Variants in ZBTB34 observed in about 807,000 individuals in gnomAD.
ZBTB34 encodes the protein zinc finger and BTB domain-containing protein 34.
In ZBTB34, 1 loss-of-function variant was observed where a neutral mutation model predicts 33.4. The observed-to-expected ratio is 0.03, with a 90% CI of 0.01 to 0.14. The LOEUF is 0.14. Ranked by LOEUF, ZBTB34 falls within the 10% of genes least tolerant of loss-of-function variation. The probability of loss-of-function intolerance (pLI) is 1.00; values close to 1 mark genes in which losing one functional copy is unlikely to be tolerated. For missense variants in ZBTB34, 406 were observed against 657.2 expected, an observed-to-expected ratio of 0.62 and a Z score of 4.18; for synonymous variants, 283 against 253.5, an observed-to-expected ratio of 1.12 and a Z score of -1.11.
intron 1 of ZBTB34, among the ~76,000 whole-genome samples, chr9:126,878,087 G>C (rs2033385911): frequency 6.6e-6 from 1 of 151,932 alleles, no homozygotes; most frequent in Admixed American, 6.6e-5. Context: ...TGCAATCCTA[G>C]CACTTTGGGA....
Position 126,879,802 on chromosome 9 carries a change from G to C in ZBTB34, c.403G>C (p.Val135Leu). 2 of 1,613,314 alleles carry C rather than the reference G, an allele frequency of 1.2e-6. No homozygotes were observed. Among genetic ancestry groups the C allele is most frequent in the South Asian group, 1.1e-5 (1 of 91,086 alleles). Reference sequence around the variant, plus strand: ...AGAGAGCATCCATTCCAAAATCAGCGTTGGAGATGTTGACTCTGTTACCGT... The same window carrying C: ...AGAGAGCATCCATTCCAAAATCAGCCTTGGAGATGTTGACTCTGTTACCGT... Residue 135 changes from valine (V) to leucine (L), a missense_variant, in exon 2 of 2, where the codon GTT becomes CTT. By Grantham distance (32) the Val-to-Leu change is conservative (BLOSUM62 1). This residue lies in a region of ZBTB34 where 137 missense variants were observed against 173.0 expected (regional missense o/e 0.79). Coordinates refer to ENST00000319119, the Ensembl canonical transcript of ZBTB34. This position sits in a 1 kb window ranked among gnomAD's most constrained non-coding sequence, Gnocchi z 6.4.
At chr9:126,867,321 C>G (rs1303960894) in intron 1 of ZBTB34, among the ~76,000 whole-genome samples, 2 of 151,946 alleles carry the variant, frequency 1.3e-5, no homozygotes, top group Non-Finnish European at 2.9e-5. Flanking sequence ...CACTTGCCAG[C>G]TCTTTTAAAC....
chr9:126,878,469 CAAA>C lies in ZBTB34; in HGVS notation c.-10-909_-10-907del, dbSNP rs958111935. ...TGTGCAACAGAGCAAGATTCTGTCT[CAAA>C]AAAAAAAAAAAGTAATAATAACTCT... On this transcript the variant is annotated intron_variant, in intron 1 of 1. Coordinates refer to ENST00000319119, the Ensembl canonical transcript of ZBTB34. Among the ~76,000 whole-genome samples the C allele has an allele frequency of 3.0e-3, 387 of 127,988 alleles. 2 individuals are homozygous for C. The highest frequency in any genetic ancestry group is 0.011 in the African/African-American group (369 of 34,950). 84.0% of individuals were successfully genotyped at this position (127,988 alleles called of 152,430 possible).
intron 1 of ZBTB34, among the ~76,000 whole-genome samples, chr9:126,864,075 G>T (rs962966664): frequency 1.3e-5 from 2 of 152,056 alleles, no homozygotes; most frequent in African/African-American, 4.8e-5. Context: ...CTTTCTACTC[G>T]GAGTTGATCA....
At chr9:126,860,930 T>C (rs982999707) in intron 1 of ZBTB34, among the ~76,000 whole-genome samples, 191 bp downstream of exon 1, 3 of 149,684 alleles carry the variant, frequency 2.0e-5, no homozygotes, top group African/African-American at 7.3e-5. Context: ...CCGGGCGGGG[T>C]CCGGAGGCCC....
At position 126,880,104 on chromosome 9, in the gene ZBTB34, C is replaced by T. The variant is rs746507308; in HGVS notation, c.705C>T (p.Ile235=). 4.3e-5 allele frequency: 69 copies of T among 1,613,612 alleles called. No homozygotes were observed. Among genetic ancestry groups the T allele is most frequent in the Non-Finnish European group, 5.6e-5 (66 of 1,179,908 alleles). ...ACCTATTGGTGAGGGAGAGCCAGAT[C>T]ACCGAGGTGAAAGTGAAGATGGAGA... is the stretch of plus-strand genomic sequence containing the variant. The change falls in exon 2 of 2, where the codon ATC becomes ATT. Residue 235 remains isoleucine, a synonymous_variant. Transcript: ENST00000319119. The surrounding 1 kb of genome is among the most constrained non-coding windows in gnomAD (Gnocchi z 6.7).
At chr9:126,877,773 G>A (rs2033381443) in intron 1 of ZBTB34, among the ~76,000 whole-genome samples, 2 of 152,196 alleles carry the variant, frequency 1.3e-5, no homozygotes, top group African/African-American at 2.4e-5. Context: ...GGGAGGCCGT[G>A]GCAGGCAGAT....
intron 1 of ZBTB34, among the ~76,000 whole-genome samples, chr9:126,868,235 G>A (rs999396014): frequency 2.6e-5 from 4 of 152,136 alleles, no homozygotes; most frequent in Admixed American, 2.6e-4. Context: ...CTGATGCATG[G>A]GCGCAGTGAT....
chr9:126,866,956 A>G (rs572935572), intron 1 of ZBTB34, among the ~76,000 whole-genome samples: 67 of 152,330 alleles, frequency 4.4e-4, no homozygotes, highest in African/African-American at 1.6e-3. Flanking sequence ...CAAAACGTAC[A>G]TGAAGGGAAT....
At chr9:126,863,993 C>T (rs1430303683) in intron 1 of ZBTB34, among the ~76,000 whole-genome samples, 1 of 152,018 alleles carries the variant, frequency 6.6e-6, no homozygotes. Context: ...ATATTGTGAC[C>T]CCTTAATCAT....
At chr9:126,866,035 A>G (rs750827937) in intron 1 of ZBTB34, among the ~76,000 whole-genome samples, 2 of 152,132 alleles carry the variant, frequency 1.3e-5, no homozygotes, top group Non-Finnish European at 2.9e-5. Context: ...GGAGAGGGCT[A>G]GGTGAGGATG....
intron 1 of ZBTB34, chr9:126,863,707 G>A: frequency 1.0e-6 from 1 of 985,454 alleles, no homozygotes; most frequent in South Asian, 4.7e-5. Flanking sequence ...AAGAATGCAA[G>A]TCAAGGTGAG....
intron 1 of ZBTB34, among the ~76,000 whole-genome samples, chr9:126,861,465 T>A (rs1254801677): frequency 6.6e-6 from 1 of 152,170 alleles, no homozygotes; most frequent in Non-Finnish European, 1.5e-5. Flanking sequence ...CCCCATGTGA[T>A]CATTGAGGGT....
Position 126,879,947 on chromosome 9 carries a change from A to G in ZBTB34, c.548A>G (p.Asp183Gly). 4 of 1,613,046 alleles carry G rather than the reference A, an allele frequency of 2.5e-6. No individual in the cohort carries two copies. Among genetic ancestry groups the G allele is most frequent in the Non-Finnish European group, 3.4e-6 (4 of 1,179,844 alleles). ...GGACGGCAGCCCACCGCAAGCAGTGACCTCCGGATGGAGACGACCCCCAGC... is the reference window on the plus strand; with the variant it reads ...GGACGGCAGCCCACCGCAAGCAGTGGCCTCCGGATGGAGACGACCCCCAGC... The change falls in exon 2 of 2, where the codon GAC becomes GGC. Residue 183 changes from aspartate to glycine, a missense_variant. Transcript: ENST00000319119. This position sits in a 1 kb window ranked among gnomAD's most constrained non-coding sequence, Gnocchi z 6.4.
At chr9:126,872,049 G>A (rs949593674) in intron 1 of ZBTB34, among the ~76,000 whole-genome samples, 4 of 151,892 alleles carry the variant, frequency 2.6e-5, no homozygotes, top group Admixed American at 6.6e-5. Flanking sequence ...CGCCTCCCGG[G>A]TTCAAGCGAT....
At chr9:126,882,211 T>G (rs1260317973) in exon 2 of ZBTB34, 2 of 167,094 alleles carry the variant, frequency 1.2e-5, no homozygotes, top group African/African-American at 4.8e-5. Context: ...AGATACTCTG[T>G]GTGTCACCAA....
In ZBTB34 at chr9:126,880,834, C is replaced by G. The variant is rs753521932; in HGVS notation, c.1435C>G (p.Leu479Val). The change falls in exon 2 of 2, where the codon CTA becomes GTA. Residue 479 changes from leucine (L) to valine (V), a missense_variant. Physicochemically the swap from Leu to Val is conservative, Grantham distance 32 (BLOSUM62 1). Around this residue, in one of 6 missense-constraint regions of ZBTB34, gnomAD observed 58 missense variants for 58.7 expected, o/e 0.99. Transcript: ENST00000319119. This position sits in a 1 kb window ranked among gnomAD's most constrained non-coding sequence, Gnocchi z 6.7. ...AACAGATGTGTACGTGGAACAGAAA[C>G]TAGAAAATGACGCATCGGCCTCAGA... 38 of 1,613,568 alleles carry G rather than the reference C, an allele frequency of 2.4e-5. No homozygotes were observed. The South Asian group carries it at 4.2e-4, about 18-fold the overall frequency.
At chr9:126,881,198 T>C (rs1400540952) in exon 2 of ZBTB34, 3 of 377,570 alleles carry the variant, frequency 7.9e-6, no homozygotes, top group East Asian at 5.7e-5. Context: ...GATTTAGCTA[T>C]GCCAACTGGT....
Position 126,880,081 on chromosome 9 carries a change from C to T in ZBTB34, c.682C>T (p.Leu228=). 6.2e-7 allele frequency: 1 copy of T among 1,613,674 alleles called. No individual in the cohort carries two copies. The highest frequency in any genetic ancestry group is 1.1e-5 in the South Asian group (1 of 91,078). Residue 228 remains leucine, a synonymous_variant, in exon 2 of 2, where the codon CTA becomes TTA. Coordinates refer to ENST00000319119, the Ensembl canonical transcript of ZBTB34. The surrounding 1 kb of genome is among the most constrained non-coding windows in gnomAD (Gnocchi z 6.7). ...AGAGGGAGACCATGAGCAAGGAGAC[C>T]TATTGGTGAGGGAGAGCCAGATCAC...
Sources: allele counts gnomAD v4.1 joint callset (sites outside exome capture counted in the v4.1 genomes callset), GRCh38; gene constraint gnomAD v4.1.1; regional missense constraint gnomAD v4.1.1; non-coding constraint Gnocchi (gnomAD v3.1); transcripts MANE v1.5; gene names NCBI Gene and HGNC (gene_info 2026-07-23, HGNC 2026-07-21).